NCF2: variants seen among roughly 807,000 people sequenced by gnomAD.
NCF2 encodes the protein neutrophil cytosolic factor 2.
Under a neutral mutation model 70.9 loss-of-function variants are expected in NCF2, and 45 were observed. The observed-to-expected ratio is 0.63, with a 90% CI of 0.50 to 0.81. NCF2 has a LOEUF of 0.81. Among genes scored for constraint, NCF2 ranks in the 40% least tolerant of loss-of-function variants. The pLI is 0.00. For missense variants in NCF2, 522 were observed against 631.6 expected (o/e 0.83, Z 1.86); for synonymous variants, 203 against 233.6 (o/e 0.87, Z 1.19).
At chr1:183,557,435 A>G (rs1671840203) in intron 14 of NCF2, among the ~76,000 whole-genome samples, 1 of 152,260 alleles carries the variant, frequency 6.6e-6, no homozygotes, top group South Asian at 2.1e-4. Flanking sequence ...CATATTAGAA[A>G]TGAAAAATCC....
upstream of NCF2, among the ~76,000 whole-genome samples, chr1:183,593,403 G>A (rs546111970): frequency 2.0e-5 from 3 of 152,174 alleles, no homozygotes; most frequent in East Asian, 5.8e-4. Flanking sequence ...GCTTTGCACT[G>A]CTCTCAGGAT....
At chr1:183,591,358 A>G (rs940941663), upstream of NCF2, among the ~76,000 whole-genome samples, 1 of 152,250 alleles carries the variant, frequency 6.6e-6, no homozygotes, top group East Asian at 1.9e-4. Flanking sequence ...TTCCTTGCTC[A>G]CTTTTTTGTA....
At chr1:183,583,961 T>G (rs1673226591) in intron 2 of NCF2, among the ~76,000 whole-genome samples, 1 of 152,214 alleles carries the variant, frequency 6.6e-6, no homozygotes, top group South Asian at 2.1e-4. Context: ...TGGAAGTGAC[T>G]GCAGTAGTCC....
intron 2 of NCF2, among the ~76,000 whole-genome samples, chr1:183,586,420 T>C (rs1197264726): frequency 1.3e-5 from 2 of 152,270 alleles, no homozygotes; most frequent in African/African-American, 2.4e-5. Context: ...AATTTATTCT[T>C]ATACATATAA....
At position 183,586,889 on chromosome 1, in the gene NCF2, ACTTACTTCTCTGT is replaced by A; in HGVS notation, c.250_257+5del. On this transcript the variant is annotated splice_donor_variant and splice_donor_5th_base_variant and coding_sequence_variant and intron_variant, in exon 2 of 15. Transcript: ENST00000367535. LOFTEE classifies it high-confidence loss of function. ...CCTCCAGTTGGTGCAACATTGAACC[ACTTACTTCTCTGT>A]CTGGTAGTAGAGCATCCCTCGTTGG... 6.2e-7 allele frequency: 1 copy of A among 1,613,026 alleles called. No individual in the cohort carries two copies. Among genetic ancestry groups the A allele is most frequent in the South Asian group, 1.1e-5 (1 of 91,050 alleles).
intron 5 of NCF2, 134 bp from the exon 6 acceptor site, chr1:183,570,973 G>T: frequency 1.2e-6 from 1 of 820,562 alleles, no homozygotes; most frequent in East Asian, 2.6e-5. Flanking sequence ...CTAAGGATTA[G>T]ATTCCTGAGC....
At chr1:183,571,838 G>A (rs532919390) in intron 5 of NCF2, among the ~76,000 whole-genome samples, 2 of 152,258 alleles carry the variant, frequency 1.3e-5, no homozygotes, top group Middle Eastern at 3.4e-3. Context: ...CCTATAAACG[G>A]AATTGTACAA....
At chr1:183,563,727 G>T in intron 11 of NCF2, 142 bp from the exon 12 acceptor site, 2 of 1,041,266 alleles carry the variant, frequency 1.9e-6, no homozygotes, top group Non-Finnish European at 1.4e-6. Context: ...TTTCACAGTA[G>T]CCTAAAAGGC....
intron 1 of NCF2, among the ~76,000 whole-genome samples, chr1:183,589,295 G>T (rs894982439): frequency 6.6e-6 from 1 of 152,168 alleles, no homozygotes; most frequent in Non-Finnish European, 1.5e-5. Context: ...GTGGTGTGAA[G>T]TTCCACGAGA....
chr1:183,566,821 G>C (rs1672317980), intron 9 of NCF2, 99 bp downstream of exon 9: 2 of 1,455,706 alleles, frequency 1.4e-6, no homozygotes, highest in African/African-American at 1.4e-5. Context: ...TCTTTCTCCA[G>C]GGGTCCTGAC....
upstream of NCF2, among the ~76,000 whole-genome samples, chr1:183,593,129 A>AAGTCTTAGCACCTCAAAT (rs1553260615): frequency 1.3e-5 from 2 of 151,548 alleles, no homozygotes; most frequent in African/African-American, 2.4e-5. Flanking sequence ...ATGTGCATGC[A>AAGTCTTAGCACCTCAAAT]AGTCTTAGCA....
At chr1:183,587,105 G>A (rs4543759) in intron 1 of NCF2, 128 bp from the exon 2 acceptor site, 8 of 863,958 alleles carry the variant, frequency 9.3e-6, no homozygotes, top group South Asian at 2.6e-5. Context: ...TCGGCACCTC[G>A]AGGCCCACCC....
intron 2 of NCF2, among the ~76,000 whole-genome samples, chr1:183,586,460 G>T (rs1287387708): frequency 6.6e-6 from 1 of 152,196 alleles, no homozygotes; most frequent in Non-Finnish European, 1.5e-5. Flanking sequence ...TTTTGCAGCT[G>T]AAGTATATTT....
chr1:183,576,611 CT>C (rs1672810981), intron 3 of NCF2, among the ~76,000 whole-genome samples: 1 of 152,162 alleles, frequency 6.6e-6, no homozygotes, highest in South Asian at 2.1e-4. Context: ...GCTGAGAAAC[CT>C]TACTCGAGAA....
chr1:183,590,337 T>C lies in NCF2; in HGVS notation c.-8A>G. ...GGCCTCCACCAGGGACATGATTAGGTAGAAACTAGGAGGCCAAGAGAGCTG... is the reference window on the plus strand; with the variant it reads ...GGCCTCCACCAGGGACATGATTAGGCAGAAACTAGGAGGCCAAGAGAGCTG... On this transcript the variant is annotated 5_prime_UTR_variant, in exon 1 of 15. Coordinates refer to ENST00000367535, the MANE Select transcript of NCF2 (RefSeq NM_000433.4). The C allele has an allele frequency of 6.2e-7, 1 of 1,613,896 alleles. No homozygotes were observed. Among genetic ancestry groups the C allele is most frequent in the Non-Finnish European group, 8.5e-7 (1 of 1,179,960 alleles).
At chr1:183,557,762 C>T (rs771769576) in intron 14 of NCF2, among the ~76,000 whole-genome samples, 9 of 152,200 alleles carry the variant, frequency 5.9e-5, no homozygotes, top group Non-Finnish European at 1.0e-4. Flanking sequence ...GACAATTGAG[C>T]TGGTTGGTTG....
At chr1:183,599,423 C>CTTCTTTCTTTCTTTCTTTCCTTTCTTTCT in the NCF2 span, among the ~76,000 whole-genome samples, 200 of 107,508 alleles carry the variant, frequency 1.9e-3, 1 homozygote, top group African/African-American at 7.2e-3. Flanking sequence ...TCTTTCTTTC[C>CTTCTTTCTTTCTTTCTTTCCTTTCTTTCT]TTCTTTCTTT....
chr1:183,579,764 A>AAAAG (rs1672975527), intron 2 of NCF2, among the ~76,000 whole-genome samples: 1 of 148,714 alleles, frequency 6.7e-6, no homozygotes. Context: ...AAAAAAAAAA[A>AAAAG]GAGAATAATA....
intron 7 of NCF2, 190 bp from the exon 8 acceptor site, chr1:183,567,535 C>G (rs772770694): frequency 2.6e-6 from 2 of 774,818 alleles, no homozygotes; most frequent in Non-Finnish European, 4.6e-6. Flanking sequence ...TGTACACCTG[C>G]TCATAACCAT....
Sources: allele counts gnomAD v4.1 joint callset (sites outside exome capture counted in the v4.1 genomes callset), GRCh38; gene constraint gnomAD v4.1.1; transcripts MANE v1.5; gene names NCBI Gene and HGNC (gene_info 2026-07-23, HGNC 2026-07-21).